THSD7A: variants seen among roughly 807,000 people sequenced by gnomAD.
THSD7A encodes the protein thrombospondin type 1 domain containing 7A.
THSD7A carries 96 observed loss-of-function variants against 231.3 expected under a neutral mutation model. The observed-to-expected ratio is 0.41, with a 90% CI of 0.35 to 0.49. THSD7A has a LOEUF of 0.49. Among genes scored for constraint, THSD7A ranks in the 20% least tolerant of loss-of-function variants. The pLI is 0.05. For missense variants in THSD7A, 2,290 were observed against 2,070.2 expected (o/e 1.11, Z -2.06); for synonymous variants, 940 against 743.3 (o/e 1.26, Z -4.30).
intron 8 of THSD7A, among the ~76,000 whole-genome samples, chr7:11,473,551 A>G (rs1786021503): frequency 6.6e-6 from 1 of 152,224 alleles, no homozygotes; most frequent in Non-Finnish European, 1.5e-5. Flanking sequence ...ATTTTTAAAA[A>G]GTATGTTAAG....
At position 11,382,638 on chromosome 7, in the gene THSD7A, T is replaced by G. The variant is rs377189153; in HGVS notation, c.4412-22A>C. 45 of 1,572,262 alleles carry G rather than the reference T, an allele frequency of 2.9e-5. No homozygotes were observed. The African/African-American group carries it at 5.3e-4, about 18-fold the overall frequency. ...CCATCTGCAGGGAAATAATAAACAT[T>G]AGCAGAAGCATTCTGTTACCCAGAA... is the stretch of plus-strand genomic sequence containing the variant. On this transcript the variant is annotated intron_variant, in intron 23 of 27. Coordinates refer to ENST00000423059, the MANE Select transcript of THSD7A (RefSeq NM_015204.3).
At chr7:11,763,859 A>T (rs997783602) in intron 1 of THSD7A, among the ~76,000 whole-genome samples, 1 of 152,188 alleles carries the variant, frequency 6.6e-6, no homozygotes, top group Non-Finnish European at 1.5e-5. Context: ...ATAAAAACAT[A>T]TTAGTTGGAG....
chr7:11,755,536 G>T (rs1293963124), intron 1 of THSD7A, among the ~76,000 whole-genome samples: 1 of 152,060 alleles, frequency 6.6e-6, no homozygotes, highest in East Asian at 1.9e-4. Context: ...AGGCAGCTCT[G>T]TCACCTATGA....
intron 13 of THSD7A, among the ~76,000 whole-genome samples, chr7:11,443,464 A>T (rs190956618): frequency 4.8e-4 from 73 of 152,184 alleles, no homozygotes; most frequent in Non-Finnish European, 9.3e-4. Flanking sequence ...TGGATTATAA[A>T]TATTAAGTTC....
intron 17 of THSD7A, among the ~76,000 whole-genome samples, chr7:11,415,849 A>G (rs377308590): frequency 2.0e-5 from 3 of 152,264 alleles, no homozygotes; most frequent in Non-Finnish European, 4.4e-5. Flanking sequence ...GTTTGTCACA[A>G]AAGTCAAGGT....
At chr7:11,734,238 T>A (rs1781832305) in intron 1 of THSD7A, among the ~76,000 whole-genome samples, 1 of 151,938 alleles carries the variant, frequency 6.6e-6, no homozygotes, top group South Asian at 2.1e-4. Flanking sequence ...AACTTAAAAT[T>A]TTGCCTCGCC....
intron 1 of THSD7A, among the ~76,000 whole-genome samples, chr7:11,639,545 G>A (rs1291299314): frequency 6.6e-6 from 1 of 152,034 alleles, no homozygotes; most frequent in African/African-American, 2.4e-5. Flanking sequence ...GGCGGGCGCT[G>A]TAGTCCTAGC....
chr7:11,525,342 G>A (rs1332572745), intron 6 of THSD7A, among the ~76,000 whole-genome samples: 1 of 152,060 alleles, frequency 6.6e-6, no homozygotes, highest in Non-Finnish European at 1.5e-5. Flanking sequence ...ATACCATAAT[G>A]TTCTTCATGT....
In THSD7A at chr7:11,444,463, G is replaced by T. The variant is rs965668158; in HGVS notation, c.3064+1598C>A. ...GGCACATATACATCATAAAATGGATGAAGCTGGAAACCGTCATGCCCAGCA... is the reference window on the plus strand; with the variant it reads ...GGCACATATACATCATAAAATGGATTAAGCTGGAAACCGTCATGCCCAGCA... On this transcript the variant is annotated intron_variant, in intron 13 of 27. Transcript: ENST00000423059. This position sits in a 1 kb window ranked among gnomAD's most constrained non-coding sequence, Gnocchi z 4.2. Among the ~76,000 whole-genome samples the T allele has an allele frequency of 6.6e-6, 1 of 151,866 alleles. No individual in the cohort carries two copies. Among genetic ancestry groups the T allele is most frequent in the Non-Finnish European group, 1.5e-5 (1 of 67,908 alleles).
intron 1 of THSD7A, among the ~76,000 whole-genome samples, chr7:11,804,964 C>A (rs1288920227): frequency 6.6e-6 from 1 of 152,002 alleles, no homozygotes; most frequent in South Asian, 2.1e-4. Flanking sequence ...ATTCATGAAC[C>A]CTCATATTTT....
At chr7:11,710,238 G>T (rs966412447) in intron 1 of THSD7A, among the ~76,000 whole-genome samples, 1 of 148,838 alleles carries the variant, frequency 6.7e-6, no homozygotes, top group Non-Finnish European at 1.5e-5. Context: ...GAGAATCAGT[G>T]CATCAAGGAT....
chr7:11,795,143 A>T (rs1784084977), intron 1 of THSD7A, among the ~76,000 whole-genome samples: 1 of 151,964 alleles, frequency 6.6e-6, no homozygotes, highest in Non-Finnish European at 1.5e-5. Flanking sequence ...GTTTTATAAA[A>T]GATTTGAGAG....
At chr7:11,725,479 T>G (rs2128155015) in intron 1 of THSD7A, among the ~76,000 whole-genome samples, 1 of 152,126 alleles carries the variant, frequency 6.6e-6, no homozygotes, top group Admixed American at 6.6e-5. Context: ...CTGCTAAGAT[T>G]CACTGCTTTC....
rs539279923 is a variant in THSD7A at position 11,576,215 on chromosome 7, T to A, written c.1453+14245A>T. 1.2e-3 allele frequency among the ~76,000 whole-genome samples: 190 copies of A among 152,340 alleles called. 2 individuals carry two copies. The highest frequency in any genetic ancestry group is 4.3e-3 in the African/African-American group (178 of 41,594). ...TTGCCCCACACTCCTCATCCATTTA[T>A]TCTTAAAATTACTTTATCTCCCTTT... On this transcript the variant is annotated intron_variant, in intron 4 of 27. Coordinates refer to ENST00000423059, the MANE Select transcript of THSD7A (RefSeq NM_015204.3).
chr7:11,718,680 T>G (rs1057254979), intron 1 of THSD7A, among the ~76,000 whole-genome samples: 2 of 151,656 alleles, frequency 1.3e-5, no homozygotes, highest in African/African-American at 4.8e-5. Flanking sequence ...TATAAGAAAC[T>G]GACCAAATTA....
At chr7:11,580,588 T>C (rs1326846810) in intron 4 of THSD7A, among the ~76,000 whole-genome samples, 1 of 152,146 alleles carries the variant, frequency 6.6e-6, no homozygotes, top group African/African-American at 2.4e-5. Flanking sequence ...TGCAGGGACA[T>C]GGATGGAGCT....
intron 11 of THSD7A, among the ~76,000 whole-genome samples, chr7:11,451,619 G>C (rs1368849621): frequency 6.6e-6 from 1 of 151,940 alleles, no homozygotes; most frequent in Non-Finnish European, 1.5e-5. Context: ...GTTAATTCTA[G>C]AATGTTTTCA....
chr7:11,662,884 C>T (rs927111217), intron 1 of THSD7A, among the ~76,000 whole-genome samples: 2 of 151,284 alleles, frequency 1.3e-5, no homozygotes, highest in African/African-American at 2.4e-5. Flanking sequence ...AAATGTGCCA[C>T]ATTAAAATTT....
At chr7:11,552,581 A>C (rs1340280933) in intron 4 of THSD7A, among the ~76,000 whole-genome samples, 1 of 152,098 alleles carries the variant, frequency 6.6e-6, no homozygotes, top group Non-Finnish European at 1.5e-5. Flanking sequence ...GAGGGTACAG[A>C]AGTCCTTGGT....
Sources: gnomAD v4.1 joint callset for allele counts (sites outside exome capture counted in the v4.1 genomes callset) on GRCh38, gnomAD v4.1.1 for gene constraint, Gnocchi (gnomAD v3.1) non-coding constraint, MANE v1.5 for transcripts, NCBI Gene and HGNC (gene_info 2026-07-23, HGNC 2026-07-21) for gene names.